Variants in RAD51C observed in about 807,000 individuals in gnomAD.
RAD51C encodes the protein DNA repair protein RAD51 homolog 3.
RAD51C carries 42 observed loss-of-function variants against 45.0 expected under a neutral mutation model. The observed-to-expected ratio is 0.93, with a 90% CI of 0.73 to 1.21. The LOEUF (loss-of-function observed/expected upper bound fraction) is 1.21. Ranked by LOEUF, RAD51C falls within the 50% of genes most tolerant of loss-of-function variation. The pLI, the probability that RAD51C is intolerant of heterozygous loss-of-function variation, is 0.00. For missense variants in RAD51C, 474 were observed against 452.2 expected (o/e 1.05, Z -0.44); for synonymous variants, 172 against 159.8 (o/e 1.08, Z -0.58).
intron 4 of RAD51C, among the ~76,000 whole-genome samples, chr17:58,705,026 G>C (rs145394926): frequency 6.6e-6 from 1 of 151,826 alleles, no homozygotes; most frequent in African/African-American, 2.4e-5. Context: ...AGCTACTTGG[G>C]AGGCTGAGAC....
intron 3 of RAD51C, among the ~76,000 whole-genome samples, chr17:58,702,208 T>C (rs1232071713): frequency 6.6e-6 from 1 of 152,098 alleles, no homozygotes. Flanking sequence ...TTGCCCAGGC[T>C]GCCGTTAACT....
chr17:58,699,005 C>CTTAT (rs975627065), intron 3 of RAD51C, among the ~76,000 whole-genome samples: 1 of 150,780 alleles, frequency 6.6e-6, no homozygotes, highest in Non-Finnish European at 1.5e-5. Flanking sequence ...TGACTGTTTT[C>CTTAT]TTATTTATTT....
At chr17:58,731,736 G>C (rs1200020744) in intron 7 of RAD51C, among the ~76,000 whole-genome samples, 4 of 151,864 alleles carry the variant, frequency 2.6e-5, no homozygotes, top group African/African-American at 9.7e-5. Context: ...ACTTATTTTT[G>C]GGACATAATC....
chr17:58,718,297 C>G (rs2048807972), intron 5 of RAD51C, among the ~76,000 whole-genome samples: 1 of 152,140 alleles, frequency 6.6e-6, no homozygotes. Context: ...CGCGCCTGGG[C>G]TGTTTCTCGG....
chr17:58,735,141 T>G lies in RAD51C; in HGVS notation c.*919T>G, dbSNP rs920860808. On this transcript the variant is annotated 3_prime_UTR_variant, in exon 9 of 9. Coordinates refer to ENST00000337432, the MANE Select transcript of RAD51C (RefSeq NM_058216.3). ...GAGCTGTTATCTCATCTAGAGATTGTTTGGAACATATGTCTTCCAGAATAG... is the reference window on the plus strand; with the variant it reads ...GAGCTGTTATCTCATCTAGAGATTGGTTGGAACATATGTCTTCCAGAATAG... The G allele has an allele frequency of 6.6e-6, 1 of 152,172 alleles. No individual in the cohort carries two copies. The highest frequency in any genetic ancestry group is 1.5e-5 in the Non-Finnish European group (1 of 68,038). The allele number at this position is 152,172 out of a possible 1,614,324, so 9.4% of individuals were successfully genotyped here. A position where few individuals can be genotyped will look rare whatever the true frequency, so the allele number is the denominator to read the frequency against.
At chr17:58,727,081 A>G (rs925983291) in intron 7 of RAD51C, among the ~76,000 whole-genome samples, 2 of 151,184 alleles carry the variant, frequency 1.3e-5, no homozygotes, top group African/African-American at 4.9e-5. Flanking sequence ...CGGCCTCCCA[A>G]AGTGCTGGGA....
chr17:58,713,827 A>C (rs2048638598), intron 5 of RAD51C, among the ~76,000 whole-genome samples: 1 of 151,714 alleles, frequency 6.6e-6, no homozygotes, highest in African/African-American at 2.4e-5. Context: ...TAAATAAATA[A>C]GTTTTTTGTA....
At chr17:58,708,116 C>T (rs898018650) in intron 4 of RAD51C, among the ~76,000 whole-genome samples, 9 of 152,264 alleles carry the variant, frequency 5.9e-5, no homozygotes, top group African/African-American at 1.9e-4. Flanking sequence ...TCAACCTGTG[C>T]ACATATTCCC....
intron 4 of RAD51C, chr17:58,709,648 G>A (rs561212913): frequency 7.9e-4 from 368 of 465,114 alleles, no homozygotes; most frequent in Non-Finnish European, 9.1e-4. Flanking sequence ...TTTATTTAGA[G>A]TATTTGTTTC....
At chr17:58,693,140 G>T (rs750034621) in intron 1 of RAD51C, 2 of 290,892 alleles carry the variant, frequency 6.9e-6, no homozygotes, top group Non-Finnish European at 1.3e-5. Context: ...TGCTAACTGG[G>T]TTAGGAAATA....
intron 2 of RAD51C, among the ~76,000 whole-genome samples, chr17:58,696,272 A>ACCCGCCAC (rs2048003067): frequency 6.6e-6 from 1 of 151,974 alleles, no homozygotes; most frequent in African/African-American, 2.4e-5. Context: ...TTCTACTAAA[A>ACCCGCCAC]AATACAAAGA....
At chr17:58,718,753 TTA>T (rs2048821086) in intron 5 of RAD51C, among the ~76,000 whole-genome samples, 1 of 152,208 alleles carries the variant, frequency 6.6e-6, no homozygotes, top group Admixed American at 6.5e-5. Flanking sequence ...TGTACCTTCT[TTA>T]TGAGTTTTAA....
At chr17:58,716,523 C>T (rs1480214862) in intron 5 of RAD51C, among the ~76,000 whole-genome samples, 3 of 152,000 alleles carry the variant, frequency 2.0e-5, no homozygotes, top group South Asian at 2.1e-4. Context: ...AGTGCAGTGG[C>T]GCGATCTTGG....
chr17:58,695,252 G>A (rs2143729642), intron 2 of RAD51C, 63 bp downstream of exon 2: 1 of 1,541,232 alleles, frequency 6.5e-7, no homozygotes, highest in Non-Finnish European at 8.7e-7. Context: ...GTAGTATTTT[G>A]TACTATCGTC....
intron 7 of RAD51C, among the ~76,000 whole-genome samples, chr17:58,731,037 T>A (rs1314619445): frequency 6.6e-6 from 1 of 152,182 alleles, no homozygotes; most frequent in Non-Finnish European, 1.5e-5. Flanking sequence ...ATATAATACT[T>A]GTTCTGATGT....
At position 58,695,165 on chromosome 17, in the gene RAD51C, C is replaced by T. The variant is rs2143727110; in HGVS notation, c.380C>T (p.Pro127Leu). The T allele has an allele frequency of 6.2e-7, 1 of 1,612,518 alleles. No homozygotes were observed. Among genetic ancestry groups the T allele is most frequent in the Non-Finnish European group, 8.5e-7 (1 of 1,179,074 alleles). Residue 127 changes from proline (P) to leucine (L), a missense_variant, in exon 2 of 9, where the codon CCA becomes CTA. Coordinates refer to ENST00000337432, the MANE Select transcript of RAD51C (RefSeq NM_058216.3). ...LMKTTEICGA[P>L]GVGKTQLCMQ... Reference sequence around the variant, plus strand: ...AAAACAACAGAAATTTGTGGTGCACCAGGTGTTGGAAAAACACAATTATGG... The same window carrying T: ...AAAACAACAGAAATTTGTGGTGCACTAGGTGTTGGAAAAACACAATTATGG...
In RAD51C at chr17:58,692,620, C is replaced by A. The variant is rs181444396; in HGVS notation, c.-24C>A. The A allele has an allele frequency of 2.1e-5, 34 of 1,613,386 alleles. No individual in the cohort carries two copies. In the African/African-American group the frequency reaches 3.9e-4, roughly 18 times the overall value. The stretch of plus-strand genomic sequence containing the variant: ...CGAGGGCGTGCGGAGTTTGGCTGCT[C>A]CGGGGTTAGCAGGTGAGCCTGCGAT... On this transcript the variant is annotated 5_prime_UTR_variant, in exon 1 of 9. Coordinates refer to ENST00000337432, the MANE Select transcript of RAD51C (RefSeq NM_058216.3).
chr17:58,700,367 G>A (rs2048171110), intron 3 of RAD51C: 1 of 152,166 alleles, frequency 6.6e-6, no homozygotes, highest in African/African-American at 2.4e-5. Flanking sequence ...ATGTGTGTTT[G>A]TAATAGTGTC....
At chr17:58,707,443 A>C (rs1414238761) in intron 4 of RAD51C, among the ~76,000 whole-genome samples, 1 of 151,704 alleles carries the variant, frequency 6.6e-6, no homozygotes, top group Non-Finnish European at 1.5e-5. Flanking sequence ...AATTGCTTGA[A>C]CCAGGGAGGT....
Sources: gnomAD v4.1 joint callset for allele counts (sites outside exome capture counted in the v4.1 genomes callset) on GRCh38, gnomAD v4.1.1 for gene constraint, MANE v1.5 for transcripts, NCBI Gene and HGNC (gene_info 2026-07-23, HGNC 2026-07-21) for gene names.